MGAT4C: variants seen among roughly 807,000 people sequenced by gnomAD.
MGAT4C encodes MGAT4 family member C.
Under a neutral mutation model 40.1 loss-of-function variants are expected in MGAT4C, and 19 were observed. That is an observed-to-expected ratio of 0.47 (90% CI 0.33 to 0.70). MGAT4C has a LOEUF of 0.70. MGAT4C is among the 30% of genes least tolerant of loss of function. The probability of loss-of-function intolerance (pLI) is 0.02; values close to 1 mark genes in which losing one functional copy is unlikely to be tolerated. For synonymous variants in MGAT4C, 181 were observed against 187.1 expected (o/e 0.97, Z 0.27); for missense variants, 491 against 563.2 (o/e 0.87, Z 1.30).
chr12:86,227,238 T>C (rs533409639), intron 1 of MGAT4C, among the ~76,000 whole-genome samples: 1 of 151,870 alleles, frequency 6.6e-6, no homozygotes, highest in Admixed American at 6.6e-5. Flanking sequence ...TTTTTACTTT[T>C]CCTCATTTTT....
At chr12:86,454,478 C>T in intron 2 of MGAT4C, among the ~76,000 whole-genome samples, 1 of 152,054 alleles carries the variant, frequency 6.6e-6, no homozygotes, top group African/African-American at 2.4e-5. Context: ...CCACCTGCCT[C>T]AGCCTCCCAA....
At chr12:86,135,622 T>C (rs541243000) in intron 1 of MGAT4C, among the ~76,000 whole-genome samples, 1 of 152,280 alleles carries the variant, frequency 6.6e-6, no homozygotes, top group South Asian at 2.1e-4. Flanking sequence ...CTCAGGCCTA[T>C]TTATTTTCTT....
chr12:86,679,264 T>G (rs143105207), intron 2 of MGAT4C, among the ~76,000 whole-genome samples: 1 of 152,118 alleles, frequency 6.6e-6, no homozygotes, highest in Non-Finnish European at 1.5e-5. Context: ...TTCACCCACT[T>G]TTTGATGGGT....
At chr12:86,814,518 TATTA>T (rs1952562374) in intron 1 of MGAT4C, among the ~76,000 whole-genome samples, 1 of 151,668 alleles carries the variant, frequency 6.6e-6, no homozygotes, top group Admixed American at 6.6e-5. Flanking sequence ...AATGCTCTTA[TATTA>T]ATTCCAATTC....
At chr12:86,461,130 C>T (rs974645606) in intron 2 of MGAT4C, among the ~76,000 whole-genome samples, 1 of 151,294 alleles carries the variant, frequency 6.6e-6, no homozygotes, top group African/African-American at 2.4e-5. Flanking sequence ...ATAGATTTGA[C>T]AAACAGCATA....
chr12:86,624,557 C>G (rs746529001), intron 2 of MGAT4C, among the ~76,000 whole-genome samples: 9 of 152,178 alleles, frequency 5.9e-5, no homozygotes, highest in Admixed American at 1.3e-4. Flanking sequence ...CAACATAAAA[C>G]AGTGACTTTA....
intron 1 of MGAT4C, among the ~76,000 whole-genome samples, chr12:86,820,587 A>G (rs1372646829): frequency 6.6e-6 from 1 of 150,824 alleles, no homozygotes; most frequent in African/African-American, 2.4e-5. Flanking sequence ...CATGATCAAT[A>G]GTTATTTGAA....
chr12:86,352,405 C>T lies in MGAT4C; in HGVS notation c.-119-18278G>A, dbSNP rs572799361. 8.5e-5 allele frequency among the ~76,000 whole-genome samples: 13 copies of T among 152,154 alleles called. 1 individual carries two copies. The highest frequency in any genetic ancestry group is 1.4e-4 in the African/African-American group (6 of 41,546). On this transcript the variant is annotated intron_variant, in intron 3 of 7. Coordinates refer to the MGAT4C transcript ENST00000548651. ...AAAGCACAGTAAAATAATTCTCCTT[C>T]CCATCATCATCTGCTAGCACTTTTC...
intron 1 of MGAT4C, among the ~76,000 whole-genome samples, chr12:86,215,131 C>CT (rs35391039): frequency 0.76 from 115,499 of 151,930 alleles, 44,374 homozygotes; most frequent in Middle Eastern, 0.83. Context: ...TCTTACAATG[C>CT]TTCTGGAGCA....
chr12:86,735,590 A>C (rs1220128497), intron 1 of MGAT4C, among the ~76,000 whole-genome samples: 4 of 151,858 alleles, frequency 2.6e-5, no homozygotes, highest in Non-Finnish European at 5.9e-5. Context: ...AACATGGAAA[A>C]ATGTGTCATT....
intron 1 of MGAT4C, among the ~76,000 whole-genome samples, chr12:86,101,256 TA>T (rs1874989025): frequency 6.6e-6 from 1 of 151,824 alleles, no homozygotes; most frequent in Non-Finnish European, 1.5e-5. Flanking sequence ...AGGGCTTAAG[TA>T]ATATTTTGGA....
Position 86,778,500 on chromosome 12 carries a change from C to A in MGAT4C, c.-261-51259G>T, listed in dbSNP as rs112009398. Among the ~76,000 whole-genome samples the A allele has an allele frequency of 4.6e-3, 698 of 152,186 alleles. 3 individuals carry two copies. The highest frequency in any genetic ancestry group is 0.016 in the African/African-American group (665 of 41,522). ...ACAATCGTATAAGGAAAGAGGCATC[C>A]ACTATATTCAAAATGAGCAAAGATG... On this transcript the variant is annotated intron_variant, in intron 1 of 7. Coordinates refer to the MGAT4C transcript ENST00000548651.
chr12:86,330,454 C>G (rs1030136215), intron 4 of MGAT4C, among the ~76,000 whole-genome samples: 3 of 152,112 alleles, frequency 2.0e-5, no homozygotes, highest in Non-Finnish European at 4.4e-5. Flanking sequence ...GGAGTGCCAG[C>G]CAGAAATCTT....
intron 1 of MGAT4C, among the ~76,000 whole-genome samples, chr12:86,221,558 A>T (rs1458893303): frequency 6.6e-6 from 1 of 152,198 alleles, no homozygotes; most frequent in Admixed American, 6.5e-5. Context: ...GCCTCTGTAC[A>T]TAGTGACCTG....
intron 2 of MGAT4C, among the ~76,000 whole-genome samples, chr12:86,602,716 T>A (rs1961829469): frequency 6.6e-6 from 1 of 152,188 alleles, no homozygotes; most frequent in Non-Finnish European, 1.5e-5. Flanking sequence ...GTTCAAGAGA[T>A]GTAATTATGT....
chr12:86,671,759 G>C (rs1400741055), intron 2 of MGAT4C, among the ~76,000 whole-genome samples: 2 of 152,030 alleles, frequency 1.3e-5, no homozygotes, highest in Non-Finnish European at 2.9e-5. Context: ...TGTGACAATT[G>C]TAAATGTATA....
At chr12:86,761,835 C>G (rs934105551) in intron 1 of MGAT4C, among the ~76,000 whole-genome samples, 1 of 152,088 alleles carries the variant, frequency 6.6e-6, no homozygotes, top group African/African-American at 2.4e-5. Flanking sequence ...GTGATAGAAT[C>G]TAGTGCCCCA....
rs534228290 is a variant in MGAT4C, at chr12:86,012,544, C to T, written c.-6-22992G>A. On this transcript the variant is annotated intron_variant, in intron 2 of 4. Coordinates refer to ENST00000611864, the MANE Select transcript of MGAT4C (RefSeq NM_001351288.2). ...TTACCTGAGGTCAGGAGCTCGAGACCAGCCTGGCCAACATGGCAGAACCCC... is the reference window on the plus strand; with the variant it reads ...TTACCTGAGGTCAGGAGCTCGAGACTAGCCTGGCCAACATGGCAGAACCCC... 3.3e-5 allele frequency among the ~76,000 whole-genome samples: 5 copies of T among 151,846 alleles called. No homozygotes were observed. In the East Asian group the frequency reaches 9.7e-4, roughly 30 times the overall value.
intron 2 of MGAT4C, among the ~76,000 whole-genome samples, chr12:85,993,674 A>G (rs2136738790): frequency 6.6e-6 from 1 of 152,260 alleles, no homozygotes; most frequent in Non-Finnish European, 1.5e-5. Context: ...GTGGGACCAG[A>G]TGGTACTTTG....
Sources: allele counts gnomAD v4.1 joint callset (sites outside exome capture counted in the v4.1 genomes callset), GRCh38; gene constraint gnomAD v4.1.1; transcripts MANE v1.5; gene names NCBI Gene and HGNC (gene_info 2026-07-23, HGNC 2026-07-21).